GPR173: variants seen among roughly 807,000 people sequenced by gnomAD.
GPR173 encodes G protein-coupled receptor 173.
In GPR173, 2 loss-of-function variants were observed where a neutral mutation model predicts 13.9. The observed-to-expected ratio is 0.14, with a 90% CI of 0.06 to 0.45. The LOEUF is 0.45. GPR173 is among the 20% of genes least tolerant of loss of function. GPR173 has a pLI of 0.98. For missense variants in GPR173, 202 were observed against 340.5 expected (o/e 0.59, Z 3.20); for synonymous variants, 131 against 141.0 (o/e 0.93, Z 0.50).
chrX:53,054,753 G>A (rs1358251958), intron 1 of GPR173, among the ~76,000 whole-genome samples: 6 of 109,704 alleles, frequency 5.5e-5, no homozygotes, highest in South Asian at 7.9e-4. Flanking sequence ...CCTGGGTGGC[G>A]TATGTGTTTG....
intron 1 of GPR173, among the ~76,000 whole-genome samples, chrX:53,073,970 T>A (rs1284973329): frequency 7.9e-4 from 14 of 17,746 alleles, no homozygotes; most frequent in African/African-American, 1.3e-3. Context: ...TATAAATATA[T>A]ATTTATATTT....
At position 53,079,357 on chromosome X, in the gene GPR173, G is replaced by T. The variant is rs1281164784; in HGVS notation, c.*1614G>T. ...CTGCAGAGTGGCCCTGGAAAGGCAGGCCAGAGTGGCTGAGAGGCTGGGAGT... is the reference window on the plus strand; with the variant it reads ...CTGCAGAGTGGCCCTGGAAAGGCAGTCCAGAGTGGCTGAGAGGCTGGGAGT... On this transcript the variant is annotated 3_prime_UTR_variant, in exon 2 of 2. Coordinates refer to ENST00000332582, the MANE Select transcript of GPR173 (RefSeq NM_018969.6). 1 of 116,256 alleles carries T rather than the reference G, an allele frequency of 8.6e-6. No homozygotes were observed. The highest frequency in any genetic ancestry group is 3.5e-5 in the African/African-American group (1 of 28,696). 9.6% of individuals were successfully genotyped at this position (116,256 alleles called of 1,213,427 possible). A position where few individuals can be genotyped will look rare whatever the true frequency, so the allele number is the denominator to read the frequency against.
intron 1 of GPR173, among the ~76,000 whole-genome samples, chrX:53,072,030 G>C (rs1007027404): frequency 9.1e-6 from 1 of 109,393 alleles, no homozygotes; most frequent in Non-Finnish European, 1.9e-5. Flanking sequence ...TTGAGCCTCA[G>C]CTGGGCCCGG....
At chrX:53,072,580 C>T in intron 1 of GPR173, among the ~76,000 whole-genome samples, 1 of 109,782 alleles carries the variant, frequency 9.1e-6, no homozygotes, top group Non-Finnish European at 1.9e-5. Context: ...TCTCTTTCTC[C>T]CTCCTGTGTC....
intron 1 of GPR173, among the ~76,000 whole-genome samples, chrX:53,051,154 C>T (rs797033521): frequency 2.7e-5 from 3 of 111,131 alleles, no homozygotes; most frequent in African/African-American, 9.8e-5. Flanking sequence ...CTGTGAGGGA[C>T]GCGTCCCAGG....
intron 1 of GPR173, among the ~76,000 whole-genome samples, chrX:53,053,526 G>A (rs1393525938): frequency 3.5e-5 from 4 of 113,399 alleles, no homozygotes; most frequent in Non-Finnish European, 5.6e-5. Context: ...GGATGTACAC[G>A]TATGACTAAG....
chrX:53,058,455 G>T (rs868916852), intron 1 of GPR173, among the ~76,000 whole-genome samples: 1 of 102,196 alleles, frequency 9.8e-6, no homozygotes. Flanking sequence ...GTGTGTGTGT[G>T]TGTGTATGTA....
chrX:53,074,553 TA>T (rs1932388519), intron 1 of GPR173, among the ~76,000 whole-genome samples: 1 of 10,261 alleles, frequency 9.7e-5, no homozygotes, highest in African/African-American at 9.1e-4. Flanking sequence ...TAGATTTATA[TA>T]TATTTATTTA....
Position 53,078,573 on chromosome X carries a change from G to C in GPR173, c.*830G>C, listed in dbSNP as rs782617279. 1 of 122,630 alleles carries C rather than the reference G, an allele frequency of 8.2e-6. No individual in the cohort carries two copies. The highest frequency in any genetic ancestry group is 9.6e-5 in the Admixed American group (1 of 10,465). The allele number at this position is 122,630 out of a possible 1,213,427, so 10.1% of individuals were successfully genotyped here. A position where few individuals can be genotyped will look rare whatever the true frequency, so the allele number is the denominator to read the frequency against. On this transcript the variant is annotated 3_prime_UTR_variant, in exon 2 of 2. Coordinates refer to ENST00000332582, the MANE Select transcript of GPR173 (RefSeq NM_018969.6). ...GTCACATTCTCTCACGCTGCCTTCA[G>C]GATCCCCAGCCCCCAACTCTTCTTC...
intron 1 of GPR173, among the ~76,000 whole-genome samples, chrX:53,072,729 A>C: frequency 9.0e-6 from 1 of 110,765 alleles, no homozygotes; most frequent in African/African-American, 3.3e-5. Context: ...GAGAAAGAGA[A>C]AGAGAGAGAG....
intron 1 of GPR173, among the ~76,000 whole-genome samples, chrX:53,054,184 TGAGA>T (rs1445555421): frequency 9.3e-6 from 1 of 107,576 alleles, no homozygotes; most frequent in African/African-American, 3.5e-5. Context: ...GTATATCTGG[TGAGA>T]GAGAAAGGAT....
chrX:53,069,507 T>C (rs1253790745), intron 1 of GPR173, among the ~76,000 whole-genome samples: 1 of 112,042 alleles, frequency 8.9e-6, no homozygotes, highest in Non-Finnish European at 1.9e-5. Flanking sequence ...GCAGCTCTGC[T>C]CGTTTGTCCA....
chrX:53,068,895 G>A (rs961911484), intron 1 of GPR173, among the ~76,000 whole-genome samples: 5 of 107,038 alleles, frequency 4.7e-5, no homozygotes, highest in Non-Finnish European at 7.7e-5. Flanking sequence ...TGAGGCTGCA[G>A]TGAGCTATGA....
intron 1 of GPR173, among the ~76,000 whole-genome samples, chrX:53,074,372 A>T (rs376092699): frequency 7.9e-4 from 7 of 8,909 alleles, no homozygotes; most frequent in East Asian, 3.1e-3. Context: ...ATTTATTTAT[A>T]AATAAATATA....
chrX:53,050,810 C>A (rs1237502870), intron 1 of GPR173, among the ~76,000 whole-genome samples: 1 of 111,896 alleles, frequency 8.9e-6, no homozygotes. Flanking sequence ...GCAGGAGAAG[C>A]CCTGTGTTAA....
At position 53,074,960 on chromosome X, in the gene GPR173, G is replaced by A. The variant is rs782753808; in HGVS notation, c.-97-1565G>A. 1.1e-4 allele frequency among the ~76,000 whole-genome samples: 11 copies of A among 102,773 alleles called. No homozygotes were observed. The South Asian group carries it at 4.8e-3, about 45-fold the overall frequency. The allele number at this position is 102,773 out of a possible 115,157, so 89.2% of individuals were successfully genotyped here. On this transcript the variant is annotated intron_variant, in intron 1 of 1. Coordinates refer to ENST00000332582, the MANE Select transcript of GPR173 (RefSeq NM_018969.6). Reference sequence around the variant, plus strand: ...CCACATGACCCCTGCTCTTCACAACGGCAAGCGGGATTCTGTTCCATCCTA... The same window carrying A: ...CCACATGACCCCTGCTCTTCACAACAGCAAGCGGGATTCTGTTCCATCCTA...
At chrX:53,070,421 CAG>C (rs1379518460) in intron 1 of GPR173, among the ~76,000 whole-genome samples, 5 of 111,706 alleles carry the variant, frequency 4.5e-5, no homozygotes, top group South Asian at 3.7e-4. Context: ...TTGTACATAA[CAG>C]ATATTTTGTA....
At chrX:53,067,621 C>G (rs374954651) in intron 1 of GPR173, among the ~76,000 whole-genome samples, 1 of 111,063 alleles carries the variant, frequency 9.0e-6, no homozygotes, top group Non-Finnish European at 1.9e-5. Context: ...GTCAGGAGAT[C>G]AAGACCATCC....
chrX:53,068,795 T>A (rs1556804494), intron 1 of GPR173, among the ~76,000 whole-genome samples: 1 of 67,515 alleles, frequency 1.5e-5, no homozygotes, highest in African/African-American at 1.0e-4. Context: ...TAAATATTTT[T>A]CATAAATGAA....
Sources: gnomAD v4.1 joint callset for allele counts (sites outside exome capture counted in the v4.1 genomes callset) on GRCh38, gnomAD v4.1.1 for gene constraint, MANE v1.5 for transcripts, NCBI Gene and HGNC (gene_info 2026-07-23, HGNC 2026-07-21) for gene names.